The following OSBPL9 variants were observed in gnomAD, a reference collection of about 807,000 sequenced individuals.
OSBPL9 encodes the protein oxysterol binding protein like 9, also known as oxysterol-binding protein-related protein 9.
A neutral mutation model predicts 106.6 loss-of-function variants in OSBPL9; 40 were observed. The ratio of observed to expected loss-of-function variants is 0.38; its 90% CI spans 0.29 to 0.49. The LOEUF (loss-of-function observed/expected upper bound fraction) is 0.49, where lower values mean the gene tolerates loss of function less well. Ranked by LOEUF, OSBPL9 falls within the 20% of genes least tolerant of loss-of-function variation. The pLI is 0.97. For missense variants in OSBPL9, 609 were observed against 887.2 expected, an observed-to-expected ratio of 0.69 and a Z score of 3.98; for synonymous variants, 269 against 295.4, an observed-to-expected ratio of 0.91 and a Z score of 0.92.
chr1:51,774,483 CTTTTA>C (rs1245356176), intron 14 of OSBPL9, among the ~76,000 whole-genome samples: 2 of 152,076 alleles, frequency 1.3e-5, no homozygotes, highest in Admixed American at 6.5e-5. Context: ...AAATTTGTGT[CTTTTA>C]TAAGAATGTT....
intron 1 of OSBPL9, among the ~76,000 whole-genome samples, chr1:51,645,733 T>G (rs1048717574): frequency 6.6e-6 from 1 of 152,186 alleles, no homozygotes. Context: ...ATACCTACGT[T>G]TTTACCTAAG....
the OSBPL9 span, among the ~76,000 whole-genome samples, chr1:51,552,711 G>A: frequency 2.6e-5 from 4 of 151,754 alleles, no homozygotes; most frequent in African/African-American, 4.8e-5. Flanking sequence ...TGCAACCTCC[G>A]CCTCCCAGGT....
Position 51,787,435 on chromosome 1 carries a change from CAA to C in OSBPL9, c.2085_2086del (p.Arg696SerfsTer20). ...TEAKHRLEERQRAEARERKEK... is the reference protein window; with the variant it reads ...TEAKHRLEERXRAEARERKEK... ...AGCAAAGCACAGGCTTGAAGAAAGA[CAA>C]AGAGCAGAAGCCCGAGAAAGGAAGG... On this transcript the variant is annotated frameshift_variant, in exon 23 of 24. Transcript: ENST00000428468. LOFTEE classifies it high-confidence loss of function. 1 of 1,614,034 alleles carries C rather than the reference CAA, an allele frequency of 6.2e-7. No individual in the cohort carries two copies.
intron 3 of OSBPL9, among the ~76,000 whole-genome samples, chr1:51,712,435 G>A (rs940425244): frequency 2.6e-5 from 4 of 152,130 alleles, no homozygotes; most frequent in Non-Finnish European, 5.9e-5. Flanking sequence ...GAGAGGGAGA[G>A]GGAGAGCTAC....
At chr1:51,665,964 C>T (rs985108359) in intron 2 of OSBPL9, among the ~76,000 whole-genome samples, 4 of 152,050 alleles carry the variant, frequency 2.6e-5, no homozygotes, top group South Asian at 2.1e-4. Context: ...TCTCCTGCCT[C>T]GGCCTCCTGA....
intron 4 of OSBPL9, among the ~76,000 whole-genome samples, chr1:51,714,602 C>G (rs185308296): frequency 6.6e-6 from 1 of 152,330 alleles, no homozygotes; most frequent in Admixed American, 6.5e-5. Context: ...GGACTCAGAT[C>G]TCCCATCTCT....
intron 4 of OSBPL9, chr1:51,724,848 C>T: frequency 3.8e-6 from 1 of 266,520 alleles, no homozygotes. Context: ...ACTTCCTTTA[C>T]CCTTCTGTGT....
intron 23 of OSBPL9, 93 bp downstream of exon 23, chr1:51,787,581 A>G: frequency 6.2e-7 from 1 of 1,602,710 alleles, no homozygotes. Flanking sequence ...CTGTTTATAA[A>G]CAAGATGATC....
Position 51,772,109 on chromosome 1 carries a change from G to A in OSBPL9, c.978G>A (p.Ser326=), listed in dbSNP as rs142127100. The A allele has an allele frequency of 1.1e-3, 1,723 of 1,613,950 alleles. 5 individuals are homozygous for A. The highest frequency in any genetic ancestry group is 2.0e-3 in the East Asian group (88 of 44,880). Residue 326 remains serine, a synonymous_variant, in exon 13 of 24, where the codon TCG becomes TCA. Coordinates refer to ENST00000428468, the MANE Select transcript of OSBPL9 (RefSeq NM_024586.6). ...CCTCAGTCCTGACACACAGCAGCTC[G>A]GGAAATAGTCTAAAACGCCCAGATA... is the stretch of plus-strand genomic sequence containing the variant. ...GSASVLTHSS[S]GNSLKRPDTT... is the part of the protein sequence containing the mutation.
intron 2 of OSBPL9, among the ~76,000 whole-genome samples, chr1:51,609,544 A>G (rs1488888609): frequency 7.0e-6 from 1 of 142,376 alleles, no homozygotes; most frequent in Non-Finnish European, 1.5e-5. Context: ...GGGTCTGGCT[A>G]TGTTGCCCAG....
At chr1:51,746,630 G>T in intron 5 of OSBPL9, 80 bp from the exon 6 acceptor site, 1 of 1,005,620 alleles carries the variant, frequency 9.9e-7, no homozygotes, top group Non-Finnish European at 1.5e-6. Context: ...AAGAACAAAT[G>T]TTTGTTTTTC....
chr1:51,578,200 T>C (rs1385596693), intron 1 of OSBPL9, among the ~76,000 whole-genome samples: 1 of 152,248 alleles, frequency 6.6e-6, no homozygotes, highest in African/African-American at 2.4e-5. Context: ...TACTAATGGA[T>C]TGACTCTTTT....
At chr1:51,779,398 A>G (rs1675795589) in intron 15 of OSBPL9, among the ~76,000 whole-genome samples, 1 of 152,226 alleles carries the variant, frequency 6.6e-6, no homozygotes, top group Non-Finnish European at 1.5e-5. Context: ...ACAAAAATCA[A>G]CTCAACATAT....
intron 2 of OSBPL9, among the ~76,000 whole-genome samples, chr1:51,610,737 A>G (rs954099157): frequency 2.0e-5 from 3 of 152,234 alleles, no homozygotes; most frequent in Non-Finnish European, 2.9e-5. Flanking sequence ...GTTTCTGGCA[A>G]TCCAGCTTCC....
At chr1:51,721,083 G>A (rs946024404) in intron 4 of OSBPL9, among the ~76,000 whole-genome samples, 6 of 151,428 alleles carry the variant, frequency 4.0e-5, no homozygotes, top group Non-Finnish European at 5.9e-5. Flanking sequence ...AGAGGCATGA[G>A]CCACCACACC....
intron 3 of OSBPL9, among the ~76,000 whole-genome samples, chr1:51,672,138 A>G (rs769560224): frequency 2.0e-5 from 3 of 152,114 alleles, no homozygotes; most frequent in South Asian, 2.1e-4. Flanking sequence ...GAGGAGTGAC[A>G]TGGTGTGATT....
At chr1:51,522,834 T>G in the OSBPL9 span, among the ~76,000 whole-genome samples, 5 of 152,192 alleles carry the variant, frequency 3.3e-5, no homozygotes, top group African/African-American at 1.2e-4. Flanking sequence ...TCAGAGAGAC[T>G]GGCCTGGAAT....
chr1:51,521,785 TCTCA>T, the OSBPL9 span, among the ~76,000 whole-genome samples: 1 of 152,208 alleles, frequency 6.6e-6, no homozygotes, highest in Non-Finnish European at 1.5e-5. Context: ...TGAGACAAGG[TCTCA>T]CTCTGTCACC....
intron 1 of OSBPL9, among the ~76,000 whole-genome samples, chr1:51,629,631 A>C (rs937483387): frequency 2.6e-5 from 4 of 152,170 alleles, no homozygotes; most frequent in Non-Finnish European, 5.9e-5. Context: ...CAAAAGGCAG[A>C]TTCATAGGAG....
Sources: allele counts gnomAD v4.1 joint callset (sites outside exome capture counted in the v4.1 genomes callset), GRCh38; gene constraint gnomAD v4.1.1; transcripts MANE v1.5; gene names NCBI Gene and HGNC (gene_info 2026-07-23, HGNC 2026-07-21).